ECPAS: variants seen among roughly 807,000 people sequenced by gnomAD.
ECPAS encodes Ecm29 proteasome adaptor and scaffold.
A neutral mutation model predicts 255.1 loss-of-function variants in ECPAS; 70 were observed. The ratio of observed to expected loss-of-function variants is 0.27; its 90% CI spans 0.23 to 0.33. The LOEUF (loss-of-function observed/expected upper bound fraction) is 0.33. Among genes scored for constraint, ECPAS ranks in the 10% least tolerant of loss-of-function variants. ECPAS has a pLI of 1.00. For synonymous variants in ECPAS, 784 were observed against 775.0 expected, an observed-to-expected ratio of 1.01 and a Z score of -0.19; for missense variants, 1,817 against 2,206.4, an observed-to-expected ratio of 0.82 and a Z score of 3.54.
At chr9:111,468,711 G>A (rs963956469) in intron 2 of ECPAS, among the ~76,000 whole-genome samples, 4 of 131,040 alleles carry the variant, frequency 3.1e-5, no homozygotes, top group Non-Finnish European at 5.0e-5. Context: ...TGTGTTTCAC[G>A]TCCAAGCTGA....
intron 10 of ECPAS, 151 bp downstream of exon 10, chr9:111,427,891 G>A: frequency 1.7e-6 from 1 of 574,912 alleles, no homozygotes; most frequent in Non-Finnish European, 2.8e-6. Flanking sequence ...AAATCATATT[G>A]CAGCAAATTT....
chr9:111,477,524 C>T (rs1036280820), intron 1 of ECPAS, among the ~76,000 whole-genome samples: 1 of 152,162 alleles, frequency 6.6e-6, no homozygotes, highest in African/African-American at 2.4e-5. Context: ...GTTAGACACA[C>T]ACACACACAC....
intron 34 of ECPAS, 39 bp from the exon 35 acceptor site, chr9:111,383,371 G>A (rs371955966): frequency 3.0e-5 from 48 of 1,575,594 alleles, no homozygotes; most frequent in East Asian, 2.1e-4. Context: ...GAAAGTGACC[G>A]CGCATCCAAT....
At chr9:111,421,719 A>T (rs978803244) in intron 15 of ECPAS, among the ~76,000 whole-genome samples, 1 of 152,154 alleles carries the variant, frequency 6.6e-6, no homozygotes, top group Non-Finnish European at 1.5e-5. Flanking sequence ...GGAAAGCTCT[A>T]AACATAAGCA....
intron 35 of ECPAS, among the ~76,000 whole-genome samples, chr9:111,382,566 C>A (rs2098142077): frequency 6.6e-6 from 1 of 152,098 alleles, no homozygotes; most frequent in African/African-American, 2.4e-5. Context: ...CCAGGCCCAG[C>A]CAAAGTGACA....
intron 29 of ECPAS, among the ~76,000 whole-genome samples, chr9:111,391,288 C>T (rs2098159626): frequency 6.6e-6 from 1 of 152,114 alleles, no homozygotes; most frequent in Non-Finnish European, 1.5e-5. Context: ...CAATTTAAGA[C>T]GTCAGCCTGC....
At chr9:111,397,837 C>A (rs370608242) in intron 24 of ECPAS, among the ~76,000 whole-genome samples, 1 of 152,136 alleles carries the variant, frequency 6.6e-6, no homozygotes, top group South Asian at 2.1e-4. Flanking sequence ...AAAGGGCACA[C>A]AGGAGTTCTT....
chr9:111,454,195 G>A (rs1365732134), intron 2 of ECPAS, among the ~76,000 whole-genome samples: 1 of 150,822 alleles, frequency 6.6e-6, no homozygotes, highest in Non-Finnish European at 1.5e-5. Context: ...CTACAAATCT[G>A]AGCTACAGAA....
At chr9:111,382,641 CAACT>C (rs1433350642) in intron 35 of ECPAS, among the ~76,000 whole-genome samples, 2 of 152,016 alleles carry the variant, frequency 1.3e-5, no homozygotes, top group Admixed American at 1.3e-4. Flanking sequence ...ACTCTTTCAT[CAACT>C]ATCTACTTGC....
chr9:111,456,696 C>T (rs1371326112), intron 2 of ECPAS, among the ~76,000 whole-genome samples: 1 of 152,194 alleles, frequency 6.6e-6, no homozygotes, highest in Non-Finnish European at 1.5e-5. Context: ...CCTTCCTGCT[C>T]ATCAAAATTC....
chr9:111,384,973 T>C (rs1414959413), intron 33 of ECPAS, among the ~76,000 whole-genome samples: 7 of 152,318 alleles, frequency 4.6e-5, no homozygotes, highest in South Asian at 2.1e-4. Context: ...AAAATTAAGA[T>C]TGCCCAAGAA....
chr9:111,375,985 G>A (rs901678123), intron 37 of ECPAS, among the ~76,000 whole-genome samples: 2 of 152,106 alleles, frequency 1.3e-5, no homozygotes, highest in African/African-American at 2.4e-5. Flanking sequence ...AAGACTCCAG[G>A]AAGTTTAGAA....
Position 111,411,912 on chromosome 9 carries a change from G to T in ECPAS, c.2214+102C>A, listed in dbSNP as rs549318428. The T allele has an allele frequency of 2.7e-5, 29 of 1,075,054 alleles. 1 individual carries two copies. Among genetic ancestry groups the T allele is most frequent in the South Asian group, 1.6e-4 (8 of 51,514 alleles). The allele number at this position is 1,075,054 out of a possible 1,614,324, so 66.6% of individuals were successfully genotyped here. On this transcript the variant is annotated intron_variant, in intron 21 of 49. Coordinates refer to ENST00000684092, the MANE Select transcript of ECPAS (RefSeq NM_001364929.1). ...TTATGGTCATAAAAGCAAGGAATTT[G>T]TAAGTTCATTTTACAAATGAGAACA...
At chr9:111,437,547 C>T (rs756751151) in intron 6 of ECPAS, among the ~76,000 whole-genome samples, 8 of 152,146 alleles carry the variant, frequency 5.3e-5, no homozygotes, top group Non-Finnish European at 8.8e-5. Context: ...TTGTAATTCA[C>T]CTTCAATCCT....
intron 24 of ECPAS, among the ~76,000 whole-genome samples, chr9:111,408,314 G>C (rs1050103116): frequency 6.6e-6 from 1 of 152,108 alleles, no homozygotes; most frequent in African/African-American, 2.4e-5. Context: ...GGGCTATGTG[G>C]ATATGTTTCC....
At chr9:111,431,604 C>G (rs1455898303) in intron 8 of ECPAS, among the ~76,000 whole-genome samples, 1 of 151,418 alleles carries the variant, frequency 6.6e-6, no homozygotes, top group Middle Eastern at 3.2e-3. Flanking sequence ...TTCCCACCCT[C>G]TGCAGCAGAT....
At chr9:111,466,946 T>C (rs1381779719) in intron 2 of ECPAS, among the ~76,000 whole-genome samples, 1 of 152,218 alleles carries the variant, frequency 6.6e-6, no homozygotes, top group Non-Finnish European at 1.5e-5. Context: ...ATTTATCTTA[T>C]TCGCCTGTCT....
At chr9:111,408,696 C>CT in intron 23 of ECPAS, 24 bp from the exon 24 acceptor site, 1 of 1,461,800 alleles carries the variant, frequency 6.8e-7, no homozygotes, top group South Asian at 1.3e-5. Context: ...AAATTTTTTT[C>CT]TTTTAAACAG....
At chr9:111,483,570 GGGCTGGGGGGGCAGGGCGC>G in intron 1 of ECPAS, 2 of 792,968 alleles carry the variant, frequency 2.5e-6, no homozygotes, top group South Asian at 1.1e-4. Flanking sequence ...AACGAGGGAG[GGGCTGGGGGGGCAGGGCGC>G]GGCCGGGGGG....
Sources: gnomAD v4.1 joint callset for allele counts (sites outside exome capture counted in the v4.1 genomes callset) on GRCh38, gnomAD v4.1.1 for gene constraint, MANE v1.5 for transcripts, NCBI Gene and HGNC (gene_info 2026-07-23, HGNC 2026-07-21) for gene names.